Variants in ZC4H2 observed in about 807,000 individuals in gnomAD.
ZC4H2 encodes the protein zinc finger C4H2 domain-containing protein.
For synonymous variants in ZC4H2, 84 were observed against 66.3 expected, an observed-to-expected ratio of 1.27 and a Z score of -1.30; for missense variants, 137 against 173.9, an observed-to-expected ratio of 0.79 and a Z score of 1.19.
At chrX:64,938,193 G>A (rs1930102692) in intron 1 of ZC4H2, among the ~76,000 whole-genome samples, 1 of 111,801 alleles carries the variant, frequency 8.9e-6, no homozygotes, top group Non-Finnish European at 1.9e-5. Context: ...AGAAGAAATG[G>A]AGAAATTCCT....
At chrX:65,018,645 T>G (rs1932813425) in intron 1 of ZC4H2, among the ~76,000 whole-genome samples, 1 of 110,361 alleles carries the variant, frequency 9.1e-6, no homozygotes, top group South Asian at 3.9e-4. Context: ...AGCTTTTTTT[T>G]TTCATATCCC....
At chrX:64,965,288 A>G (rs1490586822) in intron 1 of ZC4H2, among the ~76,000 whole-genome samples, 1 of 111,978 alleles carries the variant, frequency 8.9e-6, no homozygotes, top group Non-Finnish European at 1.9e-5. Flanking sequence ...ATTATTAAAA[A>G]GATATAGTAA....
At chrX:64,993,318 G>A (rs952421635) in intron 1 of ZC4H2, among the ~76,000 whole-genome samples, 16 of 111,543 alleles carry the variant, frequency 1.4e-4, no homozygotes, top group East Asian at 5.6e-4. Flanking sequence ...CCTGCCATTC[G>A]TGTGTTGTCT....
At chrX:64,948,137 C>A (rs912946784) in intron 1 of ZC4H2, among the ~76,000 whole-genome samples, 1 of 111,241 alleles carries the variant, frequency 9.0e-6, no homozygotes, top group Non-Finnish European at 1.9e-5. Context: ...GTTAAGTTCT[C>A]TTTTGGGTTT....
At chrX:64,941,692 C>T (rs998692411) in intron 1 of ZC4H2, among the ~76,000 whole-genome samples, 18 of 112,189 alleles carry the variant, frequency 1.6e-4, no homozygotes, top group African/African-American at 5.2e-4. Flanking sequence ...TGATGGATTA[C>T]GTTTATTGAT....
chrX:64,922,260 G>T, intron 1 of ZC4H2: 10 of 202,396 alleles, frequency 4.9e-5, no homozygotes, highest in Non-Finnish European at 7.5e-5. Flanking sequence ...AAAAAAAAAA[G>T]AAAAAGAAAA....
At chrX:64,989,975 G>C (rs1007134772) in intron 1 of ZC4H2, among the ~76,000 whole-genome samples, 9 of 111,910 alleles carry the variant, frequency 8.0e-5, no homozygotes, top group Non-Finnish European at 1.5e-4. Flanking sequence ...TGTCAGTTTT[G>C]TATTTTTAAA....
rs778423514 is a variant in ZC4H2 at position 64,922,458 on chromosome X, G to T, written c.54-470C>A. Among the ~76,000 whole-genome samples the T allele has an allele frequency of 8.1e-5, 9 of 111,125 alleles. No homozygotes were observed. In the Admixed American group the frequency reaches 8.6e-4, roughly 11 times the overall value. The stretch of plus-strand genomic sequence containing the variant: ...AGACCTTGTCTCAAGAAAAAGTTAG[G>T]AGATGTTTCCCTCTAAAAGCTCAGT... On this transcript the variant is annotated intron_variant, in intron 1 of 4. Coordinates refer to ENST00000374839, the MANE Select transcript of ZC4H2 (RefSeq NM_018684.4).
chrX:64,972,596 T>G (rs1387111889), intron 1 of ZC4H2, among the ~76,000 whole-genome samples: 5 of 111,833 alleles, frequency 4.5e-5, no homozygotes, highest in African/African-American at 1.6e-4. Context: ...GCATGCCATG[T>G]GAATAGGAGG....
intron 1 of ZC4H2, among the ~76,000 whole-genome samples, chrX:65,024,438 T>G (rs1322396671): frequency 9.0e-6 from 1 of 111,334 alleles, no homozygotes; most frequent in African/African-American, 3.3e-5. Context: ...TGTAAATTAT[T>G]AATAGTTCAG....
intron 1 of ZC4H2, among the ~76,000 whole-genome samples, chrX:64,950,591 A>G (rs993654833): frequency 3.6e-5 from 4 of 110,342 alleles, no homozygotes; most frequent in Non-Finnish European, 7.6e-5. Flanking sequence ...TGATCCCTTT[A>G]CCATTATGAA....
chrX:64,930,695 C>A (rs1432860739), intron 1 of ZC4H2, among the ~76,000 whole-genome samples: 1 of 111,841 alleles, frequency 8.9e-6, no homozygotes, highest in Non-Finnish European at 1.9e-5. Flanking sequence ...TAAACTATAC[C>A]TGCATCCCTA....
intron 1 of ZC4H2, among the ~76,000 whole-genome samples, chrX:64,988,651 A>T (rs1193341466): frequency 9.1e-6 from 1 of 109,659 alleles, no homozygotes. Context: ...GATTGCAAAA[A>T]TTTTCTCCCA....
intron 1 of ZC4H2, among the ~76,000 whole-genome samples, chrX:64,924,072 G>C (rs1350854746): frequency 8.9e-6 from 1 of 111,840 alleles, no homozygotes; most frequent in African/African-American, 3.3e-5. Flanking sequence ...AACTTTGCCT[G>C]CTCCTGTAAC....
At chrX:64,932,437 T>A (rs1929802902) in intron 1 of ZC4H2, among the ~76,000 whole-genome samples, 1 of 111,763 alleles carries the variant, frequency 8.9e-6, no homozygotes, top group Non-Finnish European at 1.9e-5. Flanking sequence ...TTTTTTTCAT[T>A]GTGTTACTGT....
intron 1 of ZC4H2, among the ~76,000 whole-genome samples, chrX:64,975,007 A>C (rs1382144016): frequency 9.2e-6 from 1 of 108,162 alleles, no homozygotes; most frequent in Non-Finnish European, 1.9e-5. Context: ...AAATTGCAAC[A>C]TATTCCCTTC....
At chrX:65,019,512 C>T (rs1222909031) in intron 1 of ZC4H2, among the ~76,000 whole-genome samples, 2 of 112,126 alleles carry the variant, frequency 1.8e-5, no homozygotes, top group East Asian at 5.6e-4. Flanking sequence ...AGGACGTCCA[C>T]TCAGAGACCC....
At chrX:64,964,994 C>T (rs1415663401) in intron 1 of ZC4H2, among the ~76,000 whole-genome samples, 1 of 111,634 alleles carries the variant, frequency 9.0e-6, no homozygotes, top group Non-Finnish European at 1.9e-5. Context: ...AGCATTATAG[C>T]TAATAAGTCA....
intron 1 of ZC4H2, among the ~76,000 whole-genome samples, chrX:64,974,202 G>A (rs1163196107): frequency 1.8e-5 from 2 of 111,719 alleles, no homozygotes; most frequent in African/African-American, 3.3e-5. Context: ...CCTATCCATT[G>A]AGTTTTTTGG....
Sources: gnomAD v4.1 joint callset for allele counts (sites outside exome capture counted in the v4.1 genomes callset) on GRCh38, gnomAD v4.1.1 for gene constraint, MANE v1.5 for transcripts, NCBI Gene and HGNC (gene_info 2026-07-23, HGNC 2026-07-21) for gene names.